Variants in NCOR2 observed in about 807,000 individuals in gnomAD.
NCOR2 encodes nuclear receptor corepressor 2, also known as CTG repeat protein 26.
A neutral mutation model predicts 262.9 loss-of-function variants in NCOR2; 81 were observed. That is an observed-to-expected ratio of 0.31 (90% CI 0.26 to 0.37). The LOEUF is 0.37. NCOR2 is among the 10% of genes least tolerant of loss of function. The pLI, the probability that NCOR2 is intolerant of heterozygous loss-of-function variation, is 1.00. For synonymous variants in NCOR2, 1,659 were observed against 1,559.3 expected, an observed-to-expected ratio of 1.06 and a Z score of -1.51; for missense variants, 3,385 against 3,621.4, an observed-to-expected ratio of 0.93 and a Z score of 1.68.
intron 13 of NCOR2, among the ~76,000 whole-genome samples, chr12:124,404,248 GC>G (rs2042143825): frequency 6.6e-6 from 1 of 152,170 alleles, no homozygotes. Context: ...GAGAGCCTTG[GC>G]CCCTGGGCTG....
chr12:124,372,378 T>C, exon 20 of NCOR2: 2 of 1,501,306 alleles, frequency 1.3e-6, no homozygotes, highest in Non-Finnish European at 8.8e-7. Context: ...CAGGAGGAGG[T>C]GCAGAGGGCG....
exon 20 of NCOR2, chr12:124,372,187 T>A (rs767579848): frequency 6.2e-7 from 1 of 1,601,492 alleles, no homozygotes; most frequent in South Asian, 1.1e-5. Context: ...CTCAGCGGCC[T>A]CCGCGTCCTT....
In NCOR2 at chr12:124,430,917, CA is replaced by C. The variant is rs1252306682; in HGVS notation, c.883-131del. On this transcript the variant is annotated intron_variant, in intron 8 of 46. Coordinates refer to ENST00000405201, the Ensembl canonical transcript of NCOR2. ...ACACACAAAGTCACACAGGCACACA[CA>C]TATACAGTCAGATACAGCCACACAG... 6.5e-6 allele frequency: 7 copies of C among 1,079,038 alleles called. No homozygotes were observed. In the South Asian group the frequency reaches 9.6e-5, roughly 15 times the overall value. The allele number at this position is 1,079,038 out of a possible 1,614,324, so 66.8% of individuals were successfully genotyped here.
intron 1 of NCOR2, among the ~76,000 whole-genome samples, chr12:124,524,740 A>G (rs1649013154): frequency 6.6e-6 from 1 of 152,184 alleles, no homozygotes; most frequent in African/African-American, 2.4e-5. Context: ...CTCCCCTTGA[A>G]TGACTCGTCC....
intron 1 of NCOR2, among the ~76,000 whole-genome samples, chr12:124,522,759 A>C (rs2050256157): frequency 6.6e-6 from 1 of 152,252 alleles, no homozygotes; most frequent in Admixed American, 6.5e-5. Context: ...CTAGTTCCAG[A>C]AAACTGGCTG....
chr12:124,355,269 G>T, intron 24 of NCOR2, 163 bp downstream of exon 26: 1 of 807,736 alleles, frequency 1.2e-6, no homozygotes, highest in Non-Finnish European at 1.9e-6. Flanking sequence ...ACGAGGCCCT[G>T]AGTGCCTGGG....
chr12:124,326,481 G>T, intron 45 of NCOR2, 111 bp from the exon 48 acceptor site: 2 of 1,109,078 alleles, frequency 1.8e-6, no homozygotes, highest in East Asian at 3.0e-5. Context: ...CTCCAAAGAG[G>T]GAGGGAGAGC....
At chr12:124,364,174 C>G (rs1437636195) in intron 20 of NCOR2, among the ~76,000 whole-genome samples, 1 of 152,226 alleles carries the variant, frequency 6.6e-6, no homozygotes, top group Non-Finnish European at 1.5e-5. Context: ...AAGGAAAATC[C>G]CAGAGAAGCC....
chr12:124,386,335 G>A (rs1018316705), intron 16 of NCOR2, among the ~76,000 whole-genome samples: 23 of 152,166 alleles, frequency 1.5e-4, no homozygotes, highest in African/African-American at 4.3e-4. Context: ...GCGAGGCCTC[G>A]GGAGACGGGT....
At chr12:124,426,427 G>A (rs567254449) in intron 11 of NCOR2, among the ~76,000 whole-genome samples, 195 bp downstream of exon 13, 2 of 152,318 alleles carry the variant, frequency 1.3e-5, no homozygotes, top group East Asian at 1.9e-4. Flanking sequence ...TCTCCCTTAC[G>A]GCCCCCAGAA....
intron 1 of NCOR2, among the ~76,000 whole-genome samples, chr12:124,561,310 A>G (rs965246262): frequency 6.6e-6 from 1 of 152,166 alleles, no homozygotes; most frequent in African/African-American, 2.4e-5. Flanking sequence ...TGGCTACTCA[A>G]ATTTATTAAA....
chr12:124,456,982 A>T (rs2045907773), intron 6 of NCOR2, 124 bp downstream of exon 8: 8 of 689,330 alleles, frequency 1.2e-5, no homozygotes, highest in Non-Finnish European at 1.9e-6. Flanking sequence ...TCCTCCGCGG[A>T]CGCCGCCTGG....
chr12:124,334,595 G>C (rs1345530222), exon 41 of NCOR2: 1 of 1,404,434 alleles, frequency 7.1e-7, no homozygotes. Flanking sequence ...GTGGTGCCGG[G>C]TGTAGTCCTG....
rs1290010821 is a variant in NCOR2, at chr12:124,531,064, T to C, written c.-118+4501A>G. Reference sequence around the variant, plus strand: ...TCCTGGGCTCCACCCAACCCGCCTCTCCCAGGGAAGCAGGGACAAAAGGAT... The same window carrying C: ...TCCTGGGCTCCACCCAACCCGCCTCCCCCAGGGAAGCAGGGACAAAAGGAT... On this transcript the variant is annotated intron_variant, in intron 1 of 46. Coordinates refer to the NCOR2 transcript ENST00000404621. This position sits in a 1 kb window ranked among gnomAD's most constrained non-coding sequence, Gnocchi z 4.5. Among the ~76,000 whole-genome samples, 1 of 152,058 alleles carries C rather than the reference T, an allele frequency of 6.6e-6. No individual in the cohort carries two copies.
chr12:124,437,387 A>G (rs1218148525), intron 8 of NCOR2, among the ~76,000 whole-genome samples: 2 of 152,228 alleles, frequency 1.3e-5, no homozygotes, highest in Non-Finnish European at 2.9e-5. Flanking sequence ...CACAGCCTAC[A>G]GTGAGAAGCA....
At chr12:124,430,890 A>C in intron 8 of NCOR2, 103 bp from the exon 11 acceptor site, 1 of 1,386,408 alleles carries the variant, frequency 7.2e-7, no homozygotes, top group South Asian at 1.4e-5. Context: ...GTGCGTGCGC[A>C]CACACACAAA....
intron 37 of NCOR2, among the ~76,000 whole-genome samples, chr12:124,339,574 C>T (rs1195796720): frequency 4.0e-5 from 6 of 148,782 alleles, no homozygotes; most frequent in African/African-American, 1.2e-4. Flanking sequence ...CATCCACCCA[C>T]CCAGCTAACC....
intron 9 of NCOR2, 149 bp downstream of exon 11, chr12:124,430,466 C>T (rs1323636272): frequency 1.1e-6 from 1 of 890,472 alleles, no homozygotes; most frequent in Admixed American, 2.8e-5. Flanking sequence ...CTCCACGTGA[C>T]ACAGGCCAGG....
At chr12:124,372,828 T>C (rs1425029540) in intron 19 of NCOR2, among the ~76,000 whole-genome samples, 1 of 152,066 alleles carries the variant, frequency 6.6e-6, no homozygotes, top group African/African-American at 2.4e-5. Context: ...CTGGCCGCCT[T>C]TCTCCCAGAC....
Sources: gnomAD v4.1 joint callset for allele counts (sites outside exome capture counted in the v4.1 genomes callset) on GRCh38, gnomAD v4.1.1 for gene constraint, Gnocchi (gnomAD v3.1) non-coding constraint, MANE v1.5 for transcripts, NCBI Gene and HGNC (gene_info 2026-07-23, HGNC 2026-07-21) for gene names.